Variants in CCNT2 observed in about 807,000 individuals in gnomAD.
CCNT2 encodes cyclin T2, also known as cyclin-T2.
A neutral mutation model predicts 70.0 loss-of-function variants in CCNT2; 18 were observed. That is an observed-to-expected ratio of 0.26 (90% CI 0.18 to 0.38). CCNT2 has a LOEUF of 0.38. CCNT2 is among the 10% of genes least tolerant of loss of function. The pLI is 1.00. For synonymous variants in CCNT2, 334 were observed against 313.3 expected (o/e 1.07, Z -0.70); for missense variants, 734 against 890.2 (o/e 0.82, Z 2.23).
chr2:134,928,704 C>A (rs1680494818), intron 2 of CCNT2, among the ~76,000 whole-genome samples: 1 of 151,822 alleles, frequency 6.6e-6, no homozygotes, highest in Non-Finnish European at 1.5e-5. Flanking sequence ...TCACACTAAT[C>A]TTAAACTGAG....
chr2:134,950,360 C>G (rs1010308827), intron 7 of CCNT2, among the ~76,000 whole-genome samples: 13 of 152,034 alleles, frequency 8.6e-5, no homozygotes, highest in African/African-American at 2.9e-4. Flanking sequence ...GTGTCAGTCA[C>G]AAAAAGGCAA....
Position 134,958,806 on chromosome 2 carries a change from C to A in CCNT2, c.*4158C>A, listed in dbSNP as rs1241272411. On this transcript the variant is annotated 3_prime_UTR_variant, in exon 9 of 9. Coordinates refer to ENST00000264157, the MANE Select transcript of CCNT2 (RefSeq NM_058241.3). ...TCAATTTGGGCACAGCCAGTTTTTA[C>A]CTCTGTGGCACCTTCTTTATAATTT... The A allele has an allele frequency of 6.6e-6, 1 of 152,210 alleles. No individual in the cohort carries two copies. Among genetic ancestry groups the A allele is most frequent in the Non-Finnish European group, 1.5e-5 (1 of 68,030 alleles). 9.4% of individuals were successfully genotyped at this position (152,210 alleles called of 1,614,324 possible).
intron 2 of CCNT2, among the ~76,000 whole-genome samples, chr2:134,926,762 A>C (rs1680330404): frequency 6.6e-6 from 1 of 152,160 alleles, no homozygotes; most frequent in Admixed American, 6.5e-5. Flanking sequence ...TGTGTTAGGA[A>C]TTCCCTAGGA....
chr2:134,920,746 T>C (rs1679838958), intron 2 of CCNT2, among the ~76,000 whole-genome samples: 1 of 152,224 alleles, frequency 6.6e-6, no homozygotes, highest in African/African-American at 2.4e-5. Flanking sequence ...GAAAGGTATG[T>C]GTAGAAAAAT....
intron 5 of CCNT2, chr2:134,945,621 G>A (rs1166566086): frequency 1.0e-6 from 1 of 985,264 alleles, no homozygotes; most frequent in African/African-American, 1.7e-5. Flanking sequence ...TGAGCAGTTT[G>A]TGCTCTGTGT....
chr2:134,923,081 G>A (rs1416719483), intron 2 of CCNT2, among the ~76,000 whole-genome samples: 1 of 152,132 alleles, frequency 6.6e-6, no homozygotes, highest in Admixed American at 6.5e-5. Context: ...AGGAGTTCAA[G>A]ACCAGCCTGG....
rs1573788154 is a variant in CCNT2 at position 134,928,256 on chromosome 2, C to T, written c.240+8365C>T. 3.0e-5 allele frequency among the ~76,000 whole-genome samples: 4 copies of T among 131,446 alleles called. No homozygotes were observed. The Admixed American group carries it at 3.3e-4, about 11-fold the overall frequency. 86.2% of individuals were successfully genotyped at this position (131,446 alleles called of 152,430 possible). On this transcript the variant is annotated intron_variant, in intron 2 of 8. Coordinates refer to ENST00000264157, the MANE Select transcript of CCNT2 (RefSeq NM_058241.3). ...GGATTACAGCATGAGCCACCATGCC[C>T]GGCCTCACATTGTATTTCTTTTTTT...
intron 7 of CCNT2, among the ~76,000 whole-genome samples, 191 bp downstream of exon 7, chr2:134,948,090 CA>C (rs1423251776): frequency 2.0e-5 from 3 of 152,024 alleles, no homozygotes; most frequent in Admixed American, 6.6e-5. Context: ...GAGGCTGAGG[CA>C]GGAGGATCAC....
intron 7 of CCNT2, among the ~76,000 whole-genome samples, chr2:134,948,704 A>T (rs1323809030): frequency 6.7e-6 from 1 of 150,086 alleles, no homozygotes; most frequent in East Asian, 2.0e-4. Flanking sequence ...AGATTTCAGC[A>T]AGAAAATAGA....
chr2:134,945,492 G>A, intron 5 of CCNT2: 1 of 985,388 alleles, frequency 1.0e-6, no homozygotes. Context: ...TCTTTCCTAA[G>A]TTAGTCTTTA....
rs1682976328 is a variant in CCNT2 at position 134,957,143 on chromosome 2, A to G, written c.*2495A>G. The G allele has an allele frequency of 6.6e-6, 1 of 152,248 alleles. No individual in the cohort carries two copies. Among genetic ancestry groups the G allele is most frequent in the Non-Finnish European group, 1.5e-5 (1 of 68,004 alleles). 9.4% of individuals were successfully genotyped at this position (152,248 alleles called of 1,614,324 possible). ...TTTCCATTAAACAAAAACCCTTATAATTCATACTATCATGAATTTGCTTTA... is the reference window on the plus strand; with the variant it reads ...TTTCCATTAAACAAAAACCCTTATAGTTCATACTATCATGAATTTGCTTTA... On this transcript the variant is annotated 3_prime_UTR_variant, in exon 9 of 9. Coordinates refer to ENST00000264157, the MANE Select transcript of CCNT2 (RefSeq NM_058241.3).
At chr2:134,952,425 A>G (rs984866380) in intron 7 of CCNT2, among the ~76,000 whole-genome samples, 1 of 152,124 alleles carries the variant, frequency 6.6e-6, no homozygotes, top group African/African-American at 2.4e-5. Flanking sequence ...CTAATTAAGC[A>G]AGTAAAATCA....
rs1163857318 is a variant in CCNT2 at position 134,929,331 on chromosome 2, A to C, written c.241-7510A>C. On this transcript the variant is annotated intron_variant, in intron 2 of 8. Coordinates refer to ENST00000264157, the MANE Select transcript of CCNT2 (RefSeq NM_058241.3). ...TACATCTATGGAGATCTGGCCAGGC[A>C]TGGTGGCTCACACCTGTAATCCCAG... 4.6e-5 allele frequency among the ~76,000 whole-genome samples: 7 copies of C among 152,106 alleles called. 1 individual carries two copies. The highest frequency in any genetic ancestry group is 4.6e-4 in the Admixed American group (7 of 15,268).
intron 2 of CCNT2, among the ~76,000 whole-genome samples, chr2:134,932,677 T>G (rs1271519802): frequency 6.6e-6 from 1 of 152,232 alleles, no homozygotes; most frequent in East Asian, 1.9e-4. Context: ...GTGCTGGTGT[T>G]TCTAGTGCAG....
At chr2:134,931,055 C>G (rs1680714929) in intron 2 of CCNT2, among the ~76,000 whole-genome samples, 3 of 151,716 alleles carry the variant, frequency 2.0e-5, no homozygotes, top group Non-Finnish European at 4.4e-5. Context: ...CTCCACCTCC[C>G]AAGTTCACGC....
chr2:134,944,335 G>A (rs1681794490), intron 5 of CCNT2: 1 of 971,068 alleles, frequency 1.0e-6, no homozygotes. Context: ...GCCTATTGAA[G>A]AAACATTAGT....
In CCNT2 at chr2:134,958,289, ATG is replaced by A. The variant is rs1683036698; in HGVS notation, c.*3643_*3644del. On this transcript the variant is annotated 3_prime_UTR_variant, in exon 9 of 9. Transcript: ENST00000264157. ...AAAAGCATATCTGCTTAAATTTAGG[ATG>A]TCTTTGCTGAGAATATTTGGAGGCT... The A allele has an allele frequency of 2.0e-5, 3 of 152,308 alleles. No homozygotes were observed. The highest frequency in any genetic ancestry group is 4.1e-4 in the South Asian group (2 of 4,828). The allele number at this position is 152,308 out of a possible 1,614,324, so 9.4% of individuals were successfully genotyped here. A position where few individuals can be genotyped will look rare whatever the true frequency, so the allele number is the denominator to read the frequency against.
intron 2 of CCNT2, among the ~76,000 whole-genome samples, chr2:134,930,218 C>A (rs1288267246): frequency 6.6e-6 from 1 of 152,190 alleles, no homozygotes; most frequent in East Asian, 1.9e-4. Context: ...TTTGCCCATT[C>A]TGGACATTTC....
At chr2:134,937,566 A>G (rs915612187) in intron 3 of CCNT2, among the ~76,000 whole-genome samples, 2 of 152,254 alleles carry the variant, frequency 1.3e-5, no homozygotes, top group African/African-American at 2.4e-5. Flanking sequence ...ACTGTTTTAA[A>G]TTTTTCTGAC....
Sources: gnomAD v4.1 joint callset for allele counts (sites outside exome capture counted in the v4.1 genomes callset) on GRCh38, gnomAD v4.1.1 for gene constraint, MANE v1.5 for transcripts, NCBI Gene and HGNC (gene_info 2026-07-23, HGNC 2026-07-21) for gene names.